The following TMEM132C variants were observed in gnomAD, a reference collection of about 807,000 sequenced individuals.
The protein encoded by TMEM132C is transmembrane protein 132C.
Under a neutral mutation model 61.4 loss-of-function variants are expected in TMEM132C, and 29 were observed. That is an observed-to-expected ratio of 0.47 (90% confidence interval 0.35 to 0.64). The LOEUF (loss-of-function observed/expected upper bound fraction) is 0.64, where lower values mean the gene tolerates loss of function less well. TMEM132C is among the 30% of genes least tolerant of loss of function. The pLI is 0.00. For synonymous variants in TMEM132C, 656 were observed against 633.1 expected (o/e 1.04, Z -0.54); for missense variants, 1,408 against 1,476.9 (o/e 0.95, Z 0.76).
At chr12:128,586,562 A>T (rs1875556943) in intron 3 of TMEM132C, among the ~76,000 whole-genome samples, 1 of 152,190 alleles carries the variant, frequency 6.6e-6, no homozygotes, top group Non-Finnish European at 1.5e-5. Flanking sequence ...AAAACTGCCA[A>T]GCTGCTGCCT....
At chr12:128,628,357 G>A (rs1288232389) in intron 4 of TMEM132C, among the ~76,000 whole-genome samples, 1 of 152,130 alleles carries the variant, frequency 6.6e-6, no homozygotes, top group Non-Finnish European at 1.5e-5. Flanking sequence ...CATGCGCTCT[G>A]CCCTGGGGCC....
At chr12:128,459,310 C>T (rs1052945233) in intron 2 of TMEM132C, among the ~76,000 whole-genome samples, 1 of 152,148 alleles carries the variant, frequency 6.6e-6, no homozygotes, top group Non-Finnish European at 1.5e-5. Flanking sequence ...CACTGCTGGC[C>T]ATATGAAAGC....
At chr12:128,582,240 G>T (rs926006585) in intron 3 of TMEM132C, among the ~76,000 whole-genome samples, 16 of 152,118 alleles carry the variant, frequency 1.1e-4, no homozygotes, top group Admixed American at 9.2e-4. Context: ...ATTAAACCTG[G>T]GAAAAGATAT....
At chr12:128,677,035 C>T (rs1213371085) in intron 5 of TMEM132C, among the ~76,000 whole-genome samples, 1 of 152,222 alleles carries the variant, frequency 6.6e-6, no homozygotes, top group East Asian at 1.9e-4. Context: ...CCAACAATAA[C>T]CCCAGGAACA....
chr12:128,551,528 C>T (rs1018948764), intron 3 of TMEM132C, among the ~76,000 whole-genome samples: 2 of 152,132 alleles, frequency 1.3e-5, no homozygotes, highest in African/African-American at 2.4e-5. Context: ...CCAGAGTGCA[C>T]GTCGTATTTA....
intron 1 of TMEM132C, among the ~76,000 whole-genome samples, chr12:128,274,537 A>T (rs978178383): frequency 6.6e-6 from 1 of 152,214 alleles, no homozygotes; most frequent in Non-Finnish European, 1.5e-5. Flanking sequence ...ACTAAGTTAT[A>T]AGAGATTGGA....
chr12:128,628,907 G>A (rs1047080696), intron 4 of TMEM132C, among the ~76,000 whole-genome samples: 1 of 152,200 alleles, frequency 6.6e-6, no homozygotes, highest in African/African-American at 2.4e-5. Context: ...ATTAAAAGCT[G>A]TCAGCCTTTA....
chr12:128,531,583 G>A (rs752015561), intron 2 of TMEM132C, among the ~76,000 whole-genome samples: 29 of 152,218 alleles, frequency 1.9e-4, no homozygotes, highest in Non-Finnish European at 3.4e-4. Context: ...GCACATGCGT[G>A]TGCACACACA....
At chr12:128,432,837 C>T (rs368863978) in intron 2 of TMEM132C, among the ~76,000 whole-genome samples, 22 of 152,010 alleles carry the variant, frequency 1.4e-4, no homozygotes, top group African/African-American at 3.9e-4. Context: ...CAAACAGCAT[C>T]GCGTACTACA....
intron 3 of TMEM132C, among the ~76,000 whole-genome samples, chr12:128,579,144 C>T (rs1875237159): frequency 6.6e-6 from 1 of 152,194 alleles, no homozygotes; most frequent in African/African-American, 2.4e-5. Context: ...ATCTTATAGC[C>T]TGGGGGCGAG....
intron 3 of TMEM132C, among the ~76,000 whole-genome samples, chr12:128,579,498 A>C (rs1260607016): frequency 6.6e-6 from 1 of 152,116 alleles, no homozygotes; most frequent in Non-Finnish European, 1.5e-5. Flanking sequence ...TCTCTTCTCA[A>C]ATACATTTGG....
chr12:128,415,441 C>G lies in TMEM132C; in HGVS notation c.795C>G (p.His265Gln). 6.4e-7 allele frequency: 1 copy of G among 1,551,660 alleles called. No homozygotes were observed. The highest frequency in any genetic ancestry group is 8.7e-7 in the Non-Finnish European group (1 of 1,146,950). Residue 265 changes from histidine to glutamine, a missense_variant, in exon 2 of 9, where the codon CAC (histidine) becomes CAG (glutamine). Physicochemically the swap from His to Gln is conservative, Grantham distance 24 (BLOSUM62 0). Transcript: ENST00000435159. The surrounding 1 kb of genome is among the most constrained non-coding windows in gnomAD (Gnocchi z 5.8). ...GKDGLEETTS[H>Q]LQRIGTVGLY... ...ATGGGCTGGAGGAAACCACGTCCCA[C>G]CTGCAGAGGATCGGCACCGTCGGCC...
intron 4 of TMEM132C, among the ~76,000 whole-genome samples, chr12:128,645,792 C>T (rs193034031): frequency 4.8e-4 from 73 of 151,966 alleles, no homozygotes; most frequent in African/African-American, 1.7e-3. Context: ...AGTCCATCGG[C>T]GTGGGATATG....
At chr12:128,626,740 C>T (rs371084226) in intron 4 of TMEM132C, among the ~76,000 whole-genome samples, 2 of 152,278 alleles carry the variant, frequency 1.3e-5, no homozygotes, top group South Asian at 2.1e-4. Context: ...CCACCATGCC[C>T]GGCCAGTAAC....
chr12:128,657,972 G>A (rs1358665974), intron 4 of TMEM132C, among the ~76,000 whole-genome samples: 1 of 152,240 alleles, frequency 6.6e-6, no homozygotes, highest in Admixed American at 6.5e-5. Flanking sequence ...CCATTTCACA[G>A]ATGAGGAAAG....
intron 4 of TMEM132C, among the ~76,000 whole-genome samples, chr12:128,666,452 G>C (rs567783962): frequency 6.6e-6 from 1 of 152,280 alleles, no homozygotes; most frequent in African/African-American, 2.4e-5. Context: ...AAGCTACCCA[G>C]TCTATGCTAT....
At chr12:128,594,309 A>G (rs116746495) in intron 3 of TMEM132C, among the ~76,000 whole-genome samples, 2,365 of 151,898 alleles carry the variant, frequency 0.016, 66 homozygotes, top group African/African-American at 0.054. Flanking sequence ...GCCACGTGCT[A>G]TGGGCTGCAT....
intron 1 of TMEM132C, among the ~76,000 whole-genome samples, chr12:128,363,272 CA>C: frequency 6.6e-6 from 1 of 152,180 alleles, no homozygotes; most frequent in East Asian, 1.9e-4. Context: ...TGTCACTTTT[CA>C]AAAGAAAGTC....
At chr12:128,610,812 C>T (rs898858126) in intron 3 of TMEM132C, among the ~76,000 whole-genome samples, 1 of 152,148 alleles carries the variant, frequency 6.6e-6, no homozygotes, top group Non-Finnish European at 1.5e-5. Flanking sequence ...ATTGTGTCTA[C>T]AGAGGCAGGC....
Sources: allele counts gnomAD v4.1 joint callset (sites outside exome capture counted in the v4.1 genomes callset), GRCh38; gene constraint gnomAD v4.1.1; non-coding constraint Gnocchi (gnomAD v3.1); transcripts MANE v1.5; gene names NCBI Gene and HGNC (gene_info 2026-07-23, HGNC 2026-07-21).